The following TNPO3 variants were observed in gnomAD, a reference collection of about 807,000 sequenced individuals.
TNPO3 encodes transportin 3.
Under a neutral mutation model 122.8 loss-of-function variants are expected in TNPO3, and 65 were observed. The observed-to-expected ratio is 0.53, with a 90% confidence interval of 0.43 to 0.65. The LOEUF is 0.65. Among genes scored for constraint, TNPO3 ranks in the 30% least tolerant of loss-of-function variants. The pLI is 0.00. For synonymous variants in TNPO3, 372 were observed against 411.2 expected (o/e 0.90, Z 1.15); for missense variants, 850 against 1,136.7 (o/e 0.75, Z 3.63).
chr7:129,025,294 G>C (rs541770334), intron 1 of TNPO3, among the ~76,000 whole-genome samples: 1 of 132,612 alleles, frequency 7.5e-6, no homozygotes, highest in Non-Finnish European at 1.6e-5. Context: ...AAGTTGCAGT[G>C]AGCCGAGATC....
intron 4 of TNPO3, among the ~76,000 whole-genome samples, chr7:129,010,946 T>C (rs1597552): frequency 0.41 from 62,860 of 151,784 alleles, 14,131 homozygotes; most frequent in Non-Finnish European, 0.5. Flanking sequence ...AAAAATTGTA[T>C]AGAATTAAGC....
chr7:128,997,864 G>C (rs1342719502), intron 7 of TNPO3, among the ~76,000 whole-genome samples: 3 of 152,172 alleles, frequency 2.0e-5, no homozygotes, highest in East Asian at 3.9e-4. Context: ...TAGAGACGGA[G>C]TTTCATTCTG....
At chr7:129,039,534 T>C (rs755426197) in intron 1 of TNPO3, among the ~76,000 whole-genome samples, 30 of 152,138 alleles carry the variant, frequency 2.0e-4, no homozygotes, top group Non-Finnish European at 3.8e-4. Context: ...CACTCCATCC[T>C]GGGTGACAGA....
At chr7:129,012,870 C>CAAAT (rs1803370660) in intron 4 of TNPO3, among the ~76,000 whole-genome samples, 2 of 152,188 alleles carry the variant, frequency 1.3e-5, no homozygotes, top group South Asian at 4.1e-4. Context: ...AAAATATAAC[C>CAAAT]AAATGGGCAT....
At chr7:128,992,140 C>T (rs376824287) in intron 9 of TNPO3, 50 bp from the exon 10 acceptor site, 3 of 1,069,482 alleles carry the variant, frequency 2.8e-6, no homozygotes, top group Non-Finnish European at 4.1e-6. Context: ...AAACAGAATG[C>T]CAAAACAAAC....
At chr7:128,996,827 T>A (rs1448760838) in intron 8 of TNPO3, among the ~76,000 whole-genome samples, 1 of 151,956 alleles carries the variant, frequency 6.6e-6, no homozygotes, top group Non-Finnish European at 1.5e-5. Context: ...CACTACCTTT[T>A]AATTGCTGCA....
In TNPO3 at chr7:129,017,755, A is replaced by AT. The variant is rs1314259412; in HGVS notation, c.321+201dup. 7.9e-5 allele frequency among the ~76,000 whole-genome samples: 12 copies of AT among 152,364 alleles called. 1 individual carries two copies. The highest frequency in any genetic ancestry group is 7.2e-4 in the Admixed American group (11 of 15,306). On this transcript the variant is annotated intron_variant, in intron 2 of 22. Coordinates refer to ENST00000265388, the MANE Select transcript of TNPO3 (RefSeq NM_012470.4). ...CATACTCACCTTATCCACTTCTGGT[A>AT]TCAAGTTAGTTTGAAACCAAATGAA... is the stretch of plus-strand genomic sequence containing the variant.
chr7:129,000,297 A>G, intron 7 of TNPO3, 132 bp downstream of exon 7: 1 of 1,058,248 alleles, frequency 9.4e-7, no homozygotes, highest in Non-Finnish European at 1.3e-6. Context: ...TCCAAAACAG[A>G]TGAAATCACA....
chr7:128,963,525 A>G (rs1317271914), intron 21 of TNPO3, among the ~76,000 whole-genome samples: 1 of 152,216 alleles, frequency 6.6e-6, no homozygotes, highest in Non-Finnish European at 1.5e-5. Flanking sequence ...ATGCCTACCC[A>G]GTGGAGGGGA....
Position 128,996,571 on chromosome 7 carries a change from A to G in TNPO3, c.1158+818T>C, listed in dbSNP as rs541680846. On this transcript the variant is annotated intron_variant, in intron 8 of 22. Coordinates refer to ENST00000265388, the MANE Select transcript of TNPO3 (RefSeq NM_012470.4). Reference sequence around the variant, plus strand: ...ATCCTGGCTAACACGGTGAAACCCCATCTCTACTAAATATACAAATAATTA... The same window carrying G: ...ATCCTGGCTAACACGGTGAAACCCCGTCTCTACTAAATATACAAATAATTA... Among the ~76,000 whole-genome samples, 7 of 151,944 alleles carry G rather than the reference A, an allele frequency of 4.6e-5. No individual in the cohort carries two copies. In the East Asian group the frequency reaches 1.4e-3, roughly 29 times the overall value.
chr7:129,024,315 C>T (rs1405470104), intron 1 of TNPO3, among the ~76,000 whole-genome samples: 11 of 152,144 alleles, frequency 7.2e-5, no homozygotes, highest in Admixed American at 6.5e-4. Flanking sequence ...CTGTCAGGCA[C>T]GTAAATGAAG....
In TNPO3 at chr7:129,017,189, C is replaced by T. The variant is rs554929524; in HGVS notation, c.322-133G>A. 3.4e-5 allele frequency: 27 copies of T among 797,726 alleles called. No homozygotes were observed. The East Asian group carries it at 6.4e-4, about 19-fold the overall frequency. The allele number at this position is 797,726 out of a possible 1,614,324, so 49.4% of individuals were successfully genotyped here. A position where few individuals can be genotyped will look rare whatever the true frequency, so the allele number is the denominator to read the frequency against. The stretch of plus-strand genomic sequence containing the variant: ...AGACTAACCCCCTTCCCCCATTTCT[C>T]CCAACCTCCAATTCTATACATCTGA... On this transcript the variant is annotated intron_variant, in intron 2 of 22. Transcript: ENST00000265388.
rs1799578358 is a variant in TNPO3 at position 128,981,039 on chromosome 7, G to A, written c.1860-1008C>T. 3.9e-5 allele frequency among the ~76,000 whole-genome samples: 6 copies of A among 152,064 alleles called. No individual in the cohort carries two copies. The South Asian group carries it at 1.2e-3, about 31-fold the overall frequency. On this transcript the variant is annotated intron_variant, in intron 14 of 22. Transcript: ENST00000265388. ...GAAAGCTACTCTTTAGTTTTAAAAA[G>A]CTCAACAGCAACTTAATAAAAATTT...
rs564197647 is a variant in TNPO3, at chr7:128,959,515, C to T, written c.2712-2200G>A. Among the ~76,000 whole-genome samples the T allele has an allele frequency of 6.6e-4, 101 of 152,288 alleles. 2 individuals are homozygous for T. In the South Asian group the frequency reaches 0.01, roughly 16 times the overall value. On this transcript the variant is annotated intron_variant, in intron 21 of 22. Coordinates refer to ENST00000265388, the MANE Select transcript of TNPO3 (RefSeq NM_012470.4). Reference sequence around the variant, plus strand: ...CCAGCAGAGACTTTGGAAATGATAACTTCACAGCCTCCTTTGTGGCACATG... The same window carrying T: ...CCAGCAGAGACTTTGGAAATGATAATTTCACAGCCTCCTTTGTGGCACATG...
intron 20 of TNPO3, among the ~76,000 whole-genome samples, chr7:128,968,233 C>T (rs1360849346): frequency 6.6e-6 from 1 of 152,134 alleles, no homozygotes; most frequent in African/African-American, 2.4e-5. Flanking sequence ...CAGAATAAGT[C>T]CTATCCATTC....
intron 4 of TNPO3, among the ~76,000 whole-genome samples, chr7:129,007,004 C>T (rs1202984687): frequency 6.6e-6 from 1 of 152,194 alleles, no homozygotes; most frequent in Non-Finnish European, 1.5e-5. Flanking sequence ...TCTATTTCTT[C>T]TCTCTCTTCC....
chr7:128,973,052 C>T (rs1313704175), intron 18 of TNPO3, among the ~76,000 whole-genome samples: 1 of 152,080 alleles, frequency 6.6e-6, no homozygotes, highest in Non-Finnish European at 1.5e-5. Context: ...AGACGTGTCA[C>T]CACATCCTAT....
At chr7:129,010,701 C>G (rs972976547) in intron 4 of TNPO3, among the ~76,000 whole-genome samples, 1 of 152,180 alleles carries the variant, frequency 6.6e-6, no homozygotes, top group East Asian at 1.9e-4. Context: ...TGTATATATA[C>G]TAAGACATAG....
At chr7:129,004,187 A>T (rs1802321541) in intron 5 of TNPO3, among the ~76,000 whole-genome samples, 1 of 152,186 alleles carries the variant, frequency 6.6e-6, no homozygotes, top group South Asian at 2.1e-4. Flanking sequence ...CTTTTCTTTA[A>T]TTCACAGTGG....
Sources: allele counts gnomAD v4.1 joint callset (sites outside exome capture counted in the v4.1 genomes callset), GRCh38; gene constraint gnomAD v4.1.1; transcripts MANE v1.5; gene names NCBI Gene and HGNC (gene_info 2026-07-23, HGNC 2026-07-21).